Variants in SEC24D observed in about 807,000 individuals in gnomAD.
SEC24D encodes SEC24 homolog D, COPII component.
Under a neutral mutation model 116.9 loss-of-function variants are expected in SEC24D, and 69 were observed. The observed-to-expected ratio is 0.59, with a 90% CI of 0.49 to 0.72. The LOEUF is 0.72. Ranked by LOEUF, SEC24D falls within the 30% of genes least tolerant of loss-of-function variation. The pLI, the probability that SEC24D is intolerant of heterozygous loss-of-function variation, is 0.00. For synonymous variants in SEC24D, 405 were observed against 442.8 expected (o/e 0.91, Z 1.07); for missense variants, 1,131 against 1,264.1 (o/e 0.89, Z 1.60).
intron 8 of SEC24D, among the ~76,000 whole-genome samples, chr4:118,776,016 G>A (rs908537094): frequency 3.3e-5 from 5 of 151,978 alleles, no homozygotes; most frequent in Non-Finnish European, 5.9e-5. Context: ...CTGATCCCAA[G>A]GGCCTACATT....
At chr4:118,770,723 C>T (rs1028991880) in intron 8 of SEC24D, among the ~76,000 whole-genome samples, 3 of 152,272 alleles carry the variant, frequency 2.0e-5, no homozygotes, top group African/African-American at 7.2e-5. Flanking sequence ...AAACCAGACC[C>T]AGCCTAAAAT....
intron 4 of SEC24D, among the ~76,000 whole-genome samples, chr4:118,816,088 A>ATTTTTTTTTTT (rs34404398): frequency 9.9e-6 from 1 of 101,312 alleles, no homozygotes. Context: ...CGCCAAGTTC[A>ATTTTTTTTTTT]TTTTTTTTTT....
In SEC24D at chr4:118,739,190, C is replaced by T. The variant is rs760422493; in HGVS notation, c.2336G>A (p.Ser779Asn). The change falls in exon 18 of 23, where the codon AGC (serine) becomes AAC (asparagine). Residue 779 changes from serine (S) to asparagine (N), a missense_variant. Transcript: ENST00000280551. ...GTTGATAAGAGCATCTGTCTCACAG[C>T]TCTTATAAAGATCAGCTAGCTGAGA... ...CSSQLADLYK[S>N]CETDALINFF... 3 of 1,613,672 alleles carry T rather than the reference C, an allele frequency of 1.9e-6. No homozygotes were observed. Among genetic ancestry groups the T allele is most frequent in the Middle Eastern group, 1.7e-4 (1 of 6,056 alleles).
chr4:118,791,061 T>A (rs1728873450), intron 8 of SEC24D, among the ~76,000 whole-genome samples: 1 of 152,052 alleles, frequency 6.6e-6, no homozygotes, highest in Non-Finnish European at 1.5e-5. Flanking sequence ...TATAAATATC[T>A]AAAATAGCAG....
At chr4:118,739,360 C>A in intron 17 of SEC24D, 73 bp from the exon 18 acceptor site, 1 of 1,444,620 alleles carries the variant, frequency 6.9e-7, no homozygotes, top group South Asian at 1.3e-5. Context: ...ATCTTACTTG[C>A]ATTTACAAAA....
At chr4:118,744,834 CTTAAT>C in intron 14 of SEC24D, 105 bp downstream of exon 14, 3 of 662,306 alleles carry the variant, frequency 4.5e-6, no homozygotes, top group Non-Finnish European at 2.7e-6. Context: ...ATGCCCTGGA[CTTAAT>C]TTATGAGATT....
At chr4:118,797,966 T>A (rs1417983689) in intron 7 of SEC24D, among the ~76,000 whole-genome samples, 156 bp from the exon 8 acceptor site, 1 of 152,246 alleles carries the variant, frequency 6.6e-6, no homozygotes, top group Admixed American at 6.5e-5. Flanking sequence ...AGTAGTATTG[T>A]GCAATTCTAC....
intron 10 of SEC24D, among the ~76,000 whole-genome samples, chr4:118,764,111 G>A (rs1401526249): frequency 6.6e-6 from 1 of 152,180 alleles, no homozygotes; most frequent in African/African-American, 2.4e-5. Flanking sequence ...TGAGTTCAGA[G>A]TATGTGGTGA....
intron 19 of SEC24D, 28 bp downstream of exon 19, chr4:118,738,233 T>C (rs1726061592): frequency 1.4e-6 from 2 of 1,444,866 alleles, no homozygotes; most frequent in Non-Finnish European, 1.9e-6. Flanking sequence ...TGTAACACTT[T>C]AACATCTATG....
chr4:118,759,344 G>A (rs1727256936), intron 10 of SEC24D, among the ~76,000 whole-genome samples: 2 of 152,200 alleles, frequency 1.3e-5, no homozygotes, highest in South Asian at 2.1e-4. Context: ...CTTTAACAAT[G>A]TTTCGGCCCA....
intron 8 of SEC24D, among the ~76,000 whole-genome samples, chr4:118,770,338 CA>C (rs943176741): frequency 6.6e-6 from 1 of 151,204 alleles, no homozygotes; most frequent in Admixed American, 6.6e-5. Context: ...CATGCAGGTA[CA>C]AAAAAAAGAG....
chr4:118,772,424 C>T (rs998528707), intron 8 of SEC24D, among the ~76,000 whole-genome samples: 1 of 152,106 alleles, frequency 6.6e-6, no homozygotes, highest in Admixed American at 6.6e-5. Context: ...AAAAATATTC[C>T]GGGCCAAGCA....
chr4:118,749,616 C>A (rs543523560), intron 13 of SEC24D, among the ~76,000 whole-genome samples: 2 of 152,168 alleles, frequency 1.3e-5, no homozygotes, highest in African/African-American at 4.8e-5. Flanking sequence ...ATCTGGCTGA[C>A]CAGCCACAGT....
In SEC24D at chr4:118,833,699, T is replaced by C; in HGVS notation, c.-3A>G. On this transcript the variant is annotated 5_prime_UTR_variant, in exon 2 of 23. Coordinates refer to ENST00000280551, the MANE Select transcript of SEC24D (RefSeq NM_014822.4). ...GCCACGTAACCTTGTTGACTCATTA[T>C]GAAAATATCATTCCATAGGATAATT... 1 of 1,595,206 alleles carries C rather than the reference T, an allele frequency of 6.3e-7. No individual in the cohort carries two copies.
intron 13 of SEC24D, among the ~76,000 whole-genome samples, chr4:118,750,210 G>T (rs1436287805): frequency 6.6e-6 from 1 of 152,162 alleles, no homozygotes; most frequent in Non-Finnish European, 1.5e-5. Flanking sequence ...GAGCAACCTT[G>T]GAGAACATGG....
At chr4:118,764,205 TTTTAA>T (rs1727525777) in intron 10 of SEC24D, among the ~76,000 whole-genome samples, 1 of 152,304 alleles carries the variant, frequency 6.6e-6, no homozygotes, top group South Asian at 2.1e-4. Context: ...GCTAAATTTT[TTTTAA>T]TTTAATTTTT....
Position 118,815,237 on chromosome 4 carries a change from G to A in SEC24D, c.674-82C>T. 3 of 1,505,026 alleles carry A rather than the reference G, an allele frequency of 2.0e-6. No individual in the cohort carries two copies. In the South Asian group the frequency reaches 3.6e-5, roughly 18 times the overall value. 93.2% of individuals were successfully genotyped at this position (1,505,026 alleles called of 1,614,324 possible). A position where few individuals can be genotyped will look rare whatever the true frequency, so the allele number is the denominator to read the frequency against. On this transcript the variant is annotated intron_variant, in intron 5 of 22. Coordinates refer to ENST00000280551, the MANE Select transcript of SEC24D (RefSeq NM_014822.4). The stretch of plus-strand genomic sequence containing the variant: ...CTTGTTGACGATATTATGCTGTTCA[G>A]TCAAGCATGTTGTATTTTTCATCTT...
chr4:118,754,991 A>C (rs1727017118), intron 11 of SEC24D, among the ~76,000 whole-genome samples: 1 of 152,152 alleles, frequency 6.6e-6, no homozygotes, highest in African/African-American at 2.4e-5. Context: ...TTGGATTTGG[A>C]CATTTTCAAG....
intron 8 of SEC24D, among the ~76,000 whole-genome samples, chr4:118,785,825 A>T (rs1343232981): frequency 6.6e-6 from 1 of 152,102 alleles, no homozygotes; most frequent in African/African-American, 2.4e-5. Context: ...AAGGGGTTTG[A>T]TGACATCCCT....
Sources: gnomAD v4.1 joint callset for allele counts (sites outside exome capture counted in the v4.1 genomes callset) on GRCh38, gnomAD v4.1.1 for gene constraint, MANE v1.5 for transcripts, NCBI Gene and HGNC (gene_info 2026-07-23, HGNC 2026-07-21) for gene names.